Variants in FYB1 observed in about 807,000 individuals in gnomAD.
FYB1 encodes the protein FYN binding protein 1.
A neutral mutation model predicts 94.1 loss-of-function variants in FYB1; 41 were observed. The observed-to-expected ratio is 0.44, with a 90% CI of 0.34 to 0.57. The LOEUF (loss-of-function observed/expected upper bound fraction) is 0.57. Ranked by LOEUF, FYB1 falls within the 20% of genes least tolerant of loss-of-function variation. The probability of loss-of-function intolerance (pLI) is 0.02; values close to 1 mark genes in which losing one functional copy is unlikely to be tolerated. For missense variants in FYB1, 1,050 were observed against 976.8 expected (o/e 1.07, Z -1.00); for synonymous variants, 367 against 353.2 (o/e 1.04, Z -0.44).
chr5:39,202,973 A>G lies in FYB1; in HGVS notation c.-13T>C, dbSNP rs776024727. 3.1e-6 allele frequency: 5 copies of G among 1,613,348 alleles called. No individual in the cohort carries two copies. Among genetic ancestry groups the G allele is most frequent in the Non-Finnish European group, 4.2e-6 (5 of 1,179,762 alleles). ...TATATTTCGCCATGAGGGACTTTAC[A>G]TCTGCCTTTCCATCCTACAAACATA... On this transcript the variant is annotated 5_prime_UTR_variant, in exon 2 of 19. The change abolishes an upstream ATG in the 5' untranslated region. Coordinates refer to ENST00000512982, the MANE Select transcript of FYB1 (RefSeq NM_001465.6).
intron 1 of FYB1, among the ~76,000 whole-genome samples, chr5:39,224,828 A>G: frequency 6.6e-6 from 1 of 152,020 alleles, no homozygotes; most frequent in Non-Finnish European, 1.5e-5. Flanking sequence ...TCTAACTTCA[A>G]CCTCTTTCCT....
At chr5:39,127,873 A>T in intron 10 of FYB1, 66 bp from the exon 11 acceptor site, 1 of 1,449,470 alleles carries the variant, frequency 6.9e-7, no homozygotes, top group Non-Finnish European at 9.2e-7. Flanking sequence ...GCTCACTCAG[A>T]TTTTAATTGT....
At chr5:39,170,918 C>T (rs1745195587) in intron 2 of FYB1, among the ~76,000 whole-genome samples, 1 of 152,150 alleles carries the variant, frequency 6.6e-6, no homozygotes, top group African/African-American at 2.4e-5. Context: ...ATTTGTACTC[C>T]CTGCTCTCTG....
At chr5:39,111,069 A>G (rs1040152676) in intron 16 of FYB1, among the ~76,000 whole-genome samples, 1 of 151,978 alleles carries the variant, frequency 6.6e-6, no homozygotes, top group African/African-American at 2.4e-5. Context: ...AATAAGCCAT[A>G]TTTTATGCAA....
intron 1 of FYB1, among the ~76,000 whole-genome samples, chr5:39,273,210 G>A (rs991299912): frequency 1.3e-5 from 2 of 152,248 alleles, no homozygotes; most frequent in African/African-American, 4.8e-5. Flanking sequence ...AAGGGGAAAA[G>A]GTGGGGAAAA....
At chr5:39,203,777 T>C (rs547926617) in intron 1 of FYB1, among the ~76,000 whole-genome samples, 23 of 152,228 alleles carry the variant, frequency 1.5e-4, no homozygotes, top group African/African-American at 5.5e-4. Flanking sequence ...CTTTCCACAG[T>C]CATCCCTTTT....
intron 1 of FYB1, among the ~76,000 whole-genome samples, chr5:39,258,069 C>T (rs988284412): frequency 7.2e-5 from 11 of 152,210 alleles, no homozygotes; most frequent in East Asian, 1.9e-4. Flanking sequence ...GTATTGGGTG[C>T]GGCCCAAGAA....
chr5:39,119,434 A>C (rs1020698405), intron 15 of FYB1, 101 bp downstream of exon 15: 3 of 864,542 alleles, frequency 3.5e-6, no homozygotes, highest in Non-Finnish European at 5.0e-6. Context: ...TTGTTACTTA[A>C]AAATCATTGG....
chr5:39,227,188 T>C (rs1260672327), intron 1 of FYB1, among the ~76,000 whole-genome samples: 1 of 152,194 alleles, frequency 6.6e-6, no homozygotes, highest in Admixed American at 6.6e-5. Context: ...GAGAAACTTG[T>C]CCAGATTAAA....
chr5:39,266,682 G>T (rs1030504998), intron 1 of FYB1, among the ~76,000 whole-genome samples: 1 of 152,150 alleles, frequency 6.6e-6, no homozygotes, highest in Non-Finnish European at 1.5e-5. Context: ...GAGTTATGTA[G>T]TCATTAAGCC....
intron 2 of FYB1, among the ~76,000 whole-genome samples, chr5:39,161,625 G>A (rs1744256408): frequency 6.6e-6 from 1 of 150,880 alleles, no homozygotes; most frequent in South Asian, 2.1e-4. Context: ...GTTCTCCATT[G>A]CATGGATTTA....
At chr5:39,167,842 G>A (rs899523280) in intron 2 of FYB1, among the ~76,000 whole-genome samples, 4 of 152,150 alleles carry the variant, frequency 2.6e-5, no homozygotes, top group South Asian at 2.1e-4. Flanking sequence ...TACCCTCTCC[G>A]TCACTGGACG....
At chr5:39,247,785 T>C (rs539589808) in intron 1 of FYB1, among the ~76,000 whole-genome samples, 2 of 151,902 alleles carry the variant, frequency 1.3e-5, no homozygotes, top group Non-Finnish European at 2.9e-5. Flanking sequence ...ATCTAGTATA[T>C]GCCAGCACCA....
intron 3 of FYB1, among the ~76,000 whole-genome samples, chr5:39,141,787 G>T (rs1293238047): frequency 6.6e-6 from 1 of 151,840 alleles, no homozygotes; most frequent in Non-Finnish European, 1.5e-5. Flanking sequence ...TAGGAGAATT[G>T]CTTAAGCCTG....
At chr5:39,260,571 C>T (rs1382782114) in intron 1 of FYB1, among the ~76,000 whole-genome samples, 3 of 152,068 alleles carry the variant, frequency 2.0e-5, no homozygotes, top group African/African-American at 7.2e-5. Context: ...ATTTTAAATA[C>T]AAGGAATGAC....
chr5:39,193,077 T>C (rs1208685147), intron 2 of FYB1, among the ~76,000 whole-genome samples: 1 of 152,174 alleles, frequency 6.6e-6, no homozygotes, highest in Admixed American at 6.5e-5. Flanking sequence ...GACCTGGAAC[T>C]TCCCCATACC....
At chr5:39,138,428 G>T in intron 6 of FYB1, 1 of 381,452 alleles carries the variant, frequency 2.6e-6, no homozygotes. Flanking sequence ...TTATCTCAGA[G>T]GCATGTCTCT....
chr5:39,222,945 T>C (rs2150557443), upstream of FYB1, among the ~76,000 whole-genome samples: 1 of 152,022 alleles, frequency 6.6e-6, no homozygotes, highest in South Asian at 2.1e-4. Context: ...CAACAAACAC[T>C]GAGGCCTGTT....
chr5:39,118,194 G>A (rs962145715), intron 16 of FYB1, among the ~76,000 whole-genome samples: 1 of 152,060 alleles, frequency 6.6e-6, no homozygotes, highest in Non-Finnish European at 1.5e-5. Flanking sequence ...ATGAGCCACC[G>A]CACCTGGCCC....
Sources: allele counts gnomAD v4.1 joint callset (sites outside exome capture counted in the v4.1 genomes callset), GRCh38; gene constraint gnomAD v4.1.1; transcripts MANE v1.5; gene names NCBI Gene and HGNC (gene_info 2026-07-23, HGNC 2026-07-21).